The following BTG4 variants were observed in gnomAD, a reference collection of about 807,000 sequenced individuals.
BTG4 encodes the protein protein BTG4.
BTG4 carries 10 observed loss-of-function variants against 19.3 expected under a neutral mutation model. The observed-to-expected ratio is 0.52, with a 90% confidence interval of 0.32 to 0.88. The LOEUF (loss-of-function observed/expected upper bound fraction) is 0.88. Ranked by LOEUF, BTG4 falls within the 40% of genes least tolerant of loss-of-function variation. The pLI, the probability that BTG4 is intolerant of heterozygous loss-of-function variation, is 0.04. For missense variants in BTG4, 238 were observed against 281.9 expected (o/e 0.84, Z 1.11); for synonymous variants, 91 against 95.7 (o/e 0.95, Z 0.29).
chr11:111,461,764 A>C, the BTG4 span: 1 of 152,636 alleles, frequency 6.6e-6, no homozygotes, highest in East Asian at 1.9e-4. Context: ...TGGCCTCACC[A>C]AGTTTAGTCA....
At chr11:111,454,589 G>A in the BTG4 span, among the ~76,000 whole-genome samples, 1 of 152,146 alleles carries the variant, frequency 6.6e-6, no homozygotes, top group Admixed American at 6.5e-5. Flanking sequence ...CCAGTAATAG[G>A]GATTCTACCA....
chr11:111,429,073 T>C, the BTG4 span, among the ~76,000 whole-genome samples: 28 of 152,332 alleles, frequency 1.8e-4, no homozygotes, highest in East Asian at 4.8e-3. Flanking sequence ...AAATTTGCCA[T>C]TTTAGCCATT....
At chr11:111,442,546 C>CACACACATACACA in the BTG4 span, among the ~76,000 whole-genome samples, 2 of 141,590 alleles carry the variant, frequency 1.4e-5, no homozygotes, top group East Asian at 4.1e-4. Flanking sequence ...ACACACACAC[C>CACACACATACACA]AGATGAGCCT....
chr11:111,509,123 T>C (rs983777773), intron 1 of BTG4, among the ~76,000 whole-genome samples: 1 of 152,188 alleles, frequency 6.6e-6, no homozygotes. Flanking sequence ...TCTGGTGCAC[T>C]CTTACTAATG....
At chr11:111,421,715 C>A in the BTG4 span, among the ~76,000 whole-genome samples, 11 of 152,236 alleles carry the variant, frequency 7.2e-5, no homozygotes, top group African/African-American at 2.6e-4. Flanking sequence ...GAGTTCAAGA[C>A]CAGCCTGGTC....
the BTG4 span, among the ~76,000 whole-genome samples, chr11:111,423,591 C>T: frequency 6.6e-6 from 1 of 152,204 alleles, no homozygotes; most frequent in East Asian, 1.9e-4. Flanking sequence ...CCTTACACCA[C>T]AGGCAGCTGA....
chr11:111,444,182 GGTGT>G, the BTG4 span, among the ~76,000 whole-genome samples: 14 of 131,840 alleles, frequency 1.1e-4, no homozygotes, highest in African/African-American at 2.3e-4. Context: ...TACCCTGAGG[GGTGT>G]GTGTGTGTGT....
At chr11:111,451,347 C>G in the BTG4 span, 2 of 447,840 alleles carry the variant, frequency 4.5e-6, no homozygotes, top group Non-Finnish European at 9.1e-6. Context: ...CCTCTTTCTG[C>G]AGCAGTTCCA....
At chr11:111,401,667 T>C in the BTG4 span, among the ~76,000 whole-genome samples, 9 of 152,222 alleles carry the variant, frequency 5.9e-5, no homozygotes, top group South Asian at 6.2e-4. Flanking sequence ...GCAATGAATA[T>C]AGCATGACTC....
At chr11:111,399,371 A>C in the BTG4 span, 1 of 152,332 alleles carries the variant, frequency 6.6e-6, no homozygotes, top group South Asian at 2.1e-4. Flanking sequence ...CCAGGGAGAC[A>C]CTGGAAAGCA....
the BTG4 span, chr11:111,455,271 A>G: frequency 2.0e-5 from 7 of 347,000 alleles, no homozygotes; most frequent in African/African-American, 1.3e-4. Context: ...CGCTGCTGCC[A>G]TGCCTGTCCA....
At chr11:111,402,625 T>TACC in the BTG4 span, among the ~76,000 whole-genome samples, 2 of 152,192 alleles carry the variant, frequency 1.3e-5, no homozygotes, top group African/African-American at 4.8e-5. Context: ...AAGCCTCCTG[T>TACC]ACCAGCCAAG....
chr11:111,456,256 C>T, the BTG4 span, among the ~76,000 whole-genome samples: 1 of 152,178 alleles, frequency 6.6e-6, no homozygotes, highest in Non-Finnish European at 1.5e-5. This position sits in a 1 kb window ranked among gnomAD's most constrained non-coding sequence, Gnocchi z 4.2. Flanking sequence ...CGTAGCCCCC[C>T]TGTAGGCTGT....
chr11:111,447,851 C>T, the BTG4 span, among the ~76,000 whole-genome samples: 1 of 152,214 alleles, frequency 6.6e-6, no homozygotes, highest in African/African-American at 2.4e-5. Context: ...GGGCATTTCT[C>T]TCTGAGTTGG....
In BTG4 at chr11:111,495,258, A is replaced by T; in HGVS notation, c.567T>A (p.Asn189Lys). 6.2e-7 allele frequency: 1 copy of T among 1,611,738 alleles called. No individual in the cohort carries two copies. Residue 189 changes from asparagine to lysine, a missense_variant, in exon 5 of 5, where the codon AAT becomes AAA. By Grantham distance (94) the Asn-to-Lys change is moderately conservative. Transcript: ENST00000692032. ...GGAGGCCAACACGGCCGTCCACCAC[A>T]TTCTTTTTGCGGGGGATTTGTAACC... ...QSWLQIPRKK[N>K]VVDGRVGLLG...
chr11:111,437,406 G>A, the BTG4 span, among the ~76,000 whole-genome samples: 1 of 152,158 alleles, frequency 6.6e-6, no homozygotes, highest in African/African-American at 2.4e-5. Flanking sequence ...CTCCTGCCAG[G>A]AACTGGGTTG....
At chr11:111,451,422 T>A in the BTG4 span, 1 of 453,048 alleles carries the variant, frequency 2.2e-6, no homozygotes, top group Middle Eastern at 3.3e-4. Context: ...TTGTCTACGA[T>A]AATTTGCCTC....
the BTG4 span, among the ~76,000 whole-genome samples, chr11:111,423,155 CCT>C: frequency 6.6e-6 from 1 of 152,120 alleles, no homozygotes; most frequent in African/African-American, 2.4e-5. Context: ...CTAGATAGCC[CCT>C]CCACCCCGAG....
chr11:111,412,572 C>A, the BTG4 span, among the ~76,000 whole-genome samples: 74 of 152,284 alleles, frequency 4.9e-4, 2 homozygotes, highest in Middle Eastern at 3.4e-3. Context: ...GAATAACATT[C>A]ATGTGGTGCT....
Sources: gnomAD v4.1 joint callset for allele counts (sites outside exome capture counted in the v4.1 genomes callset) on GRCh38, gnomAD v4.1.1 for gene constraint, Gnocchi (gnomAD v3.1) non-coding constraint, MANE v1.5 for transcripts, NCBI Gene and HGNC (gene_info 2026-07-23, HGNC 2026-07-21) for gene names.